The following CCSER1 variants were observed in gnomAD, a reference collection of about 807,000 sequenced individuals.
The protein encoded by CCSER1 is serine-rich coiled-coil domain-containing protein 1.
In CCSER1, 41 loss-of-function variants were observed where a neutral mutation model predicts 82.0. The ratio of observed to expected loss-of-function variants is 0.50; its 90% CI spans 0.39 to 0.65. The LOEUF is 0.65. Ranked by LOEUF, CCSER1 falls within the 30% of genes least tolerant of loss-of-function variation. The pLI, the probability that CCSER1 is intolerant of heterozygous loss-of-function variation, is 0.00. For missense variants in CCSER1, 1,119 were observed against 1,064.2 expected (o/e 1.05, Z -0.72); for synonymous variants, 414 against 383.9 (o/e 1.08, Z -0.92).
chr4:90,530,120 T>C (rs1774320034), intron 5 of CCSER1, among the ~76,000 whole-genome samples: 1 of 152,098 alleles, frequency 6.6e-6, no homozygotes, highest in African/African-American at 2.4e-5. Context: ...GAACACCTAC[T>C]AGGTGACAGA....
intron 9 of CCSER1, among the ~76,000 whole-genome samples, chr4:90,932,813 G>A (rs1363578403): frequency 1.9e-5 from 2 of 107,906 alleles, no homozygotes; most frequent in African/African-American, 3.8e-5. Context: ...GGGTGACAGA[G>A]CAAGACTCCG....
intron 7 of CCSER1, among the ~76,000 whole-genome samples, chr4:90,794,780 T>C (rs1250057588): frequency 6.6e-6 from 1 of 152,220 alleles, no homozygotes; most frequent in Non-Finnish European, 1.5e-5. Flanking sequence ...TTTAATGATA[T>C]TAATTATTCC....
At chr4:90,594,254 A>G (rs949391697) in intron 5 of CCSER1, among the ~76,000 whole-genome samples, 1 of 152,116 alleles carries the variant, frequency 6.6e-6, no homozygotes, top group Non-Finnish European at 1.5e-5. Flanking sequence ...CATGGCTCAG[A>G]CTCCCATCTC....
intron 3 of CCSER1, among the ~76,000 whole-genome samples, chr4:90,338,751 A>AG (rs747352893): frequency 1.3e-5 from 2 of 152,232 alleles, no homozygotes; most frequent in Non-Finnish European, 2.9e-5. Flanking sequence ...GAGCTGCAAT[A>AG]GTGACAAAAT....
chr4:91,397,518 C>A (rs1752063052), intron 10 of CCSER1, among the ~76,000 whole-genome samples: 1 of 151,996 alleles, frequency 6.6e-6, no homozygotes, highest in Non-Finnish European at 1.5e-5. Flanking sequence ...GTATACACAG[C>A]AGCACTGGAT....
At chr4:91,342,003 G>A (rs1167981041) in intron 10 of CCSER1, among the ~76,000 whole-genome samples, 1 of 152,152 alleles carries the variant, frequency 6.6e-6, no homozygotes, top group Non-Finnish European at 1.5e-5. Context: ...AGAGTAAGAG[G>A]AAAGGATGCA....
At chr4:91,046,802 G>A (rs542226380) in intron 9 of CCSER1, among the ~76,000 whole-genome samples, 13 of 151,644 alleles carry the variant, frequency 8.6e-5, no homozygotes, top group East Asian at 5.9e-4. Context: ...ACTACAACCC[G>A]CACCTCCCAG....
chr4:90,684,809 G>C (rs995179679), intron 6 of CCSER1, among the ~76,000 whole-genome samples: 1 of 151,992 alleles, frequency 6.6e-6, no homozygotes, highest in Non-Finnish European at 1.5e-5. Context: ...CAAGATCGAT[G>C]GTTATTATAA....
At chr4:91,409,682 CTTTTTCT>C (rs982194738) in intron 10 of CCSER1, among the ~76,000 whole-genome samples, 5 of 151,998 alleles carry the variant, frequency 3.3e-5, no homozygotes, top group African/African-American at 1.2e-4. Flanking sequence ...ATTTCTTTGT[CTTTTTCT>C]TTTTTCTTTT....
intron 10 of CCSER1, among the ~76,000 whole-genome samples, chr4:91,424,578 A>G (rs1312634878): frequency 6.6e-6 from 1 of 152,148 alleles, no homozygotes; most frequent in Non-Finnish European, 1.5e-5. Context: ...CTATGCCTCA[A>G]TGTTCTCATC....
intron 5 of CCSER1, among the ~76,000 whole-genome samples, chr4:90,533,336 C>T (rs1231628805): frequency 6.6e-6 from 1 of 152,042 alleles, no homozygotes; most frequent in Non-Finnish European, 1.5e-5. Flanking sequence ...ACCTAGTAAC[C>T]CGCCCGCCTT....
At chr4:90,426,323 A>G (rs1454191631) in intron 4 of CCSER1, among the ~76,000 whole-genome samples, 1 of 152,232 alleles carries the variant, frequency 6.6e-6, no homozygotes, top group East Asian at 1.9e-4. Flanking sequence ...TTTGTCCATG[A>G]GGAAGAAAGT....
At chr4:90,606,391 C>G (rs1230409635) in intron 5 of CCSER1, among the ~76,000 whole-genome samples, 1 of 152,170 alleles carries the variant, frequency 6.6e-6, no homozygotes, top group Non-Finnish European at 1.5e-5. Flanking sequence ...CTAAACATCC[C>G]TAGACATAGA....
intron 9 of CCSER1, among the ~76,000 whole-genome samples, chr4:90,995,332 G>A (rs1161570646): frequency 6.6e-6 from 1 of 151,982 alleles, no homozygotes; most frequent in South Asian, 2.1e-4. Context: ...TTAGTTTTTG[G>A]ACATTGCCCA....
intron 10 of CCSER1, among the ~76,000 whole-genome samples, chr4:91,508,036 G>T (rs1759601452): frequency 6.8e-6 from 1 of 146,984 alleles, no homozygotes; most frequent in Admixed American, 6.8e-5. Context: ...TCTCAATAAA[G>T]AAAGTTTTAC....
At chr4:90,700,255 T>A (rs1182096127) in intron 6 of CCSER1, among the ~76,000 whole-genome samples, 2 of 152,182 alleles carry the variant, frequency 1.3e-5, no homozygotes, top group African/African-American at 4.8e-5. Context: ...TTTTTTGTCC[T>A]TGTGACATTT....
At chr4:90,190,463 GCTACTTTTTTACTTACA>G (rs1735417842) in intron 1 of CCSER1, among the ~76,000 whole-genome samples, 2 of 152,014 alleles carry the variant, frequency 1.3e-5, no homozygotes, top group Admixed American at 1.3e-4. Flanking sequence ...ACAAATCTTT[GCTACTTTTTTACTTACA>G]CTAAAGGACA....
intron 7 of CCSER1, among the ~76,000 whole-genome samples, chr4:90,784,169 T>C (rs1754170515): frequency 6.6e-6 from 1 of 152,190 alleles, no homozygotes; most frequent in South Asian, 2.1e-4. Context: ...TTTCCTTATG[T>C]AGTAGCATTC....
chr4:90,383,983 G>T (rs79448465), intron 3 of CCSER1, among the ~76,000 whole-genome samples: 1,862 of 151,548 alleles, frequency 0.012, 60 homozygotes, highest in African/African-American at 0.043. Flanking sequence ...GGCTGCGCTT[G>T]ATCTCCTGGG....
Sources: allele counts gnomAD v4.1 joint callset (sites outside exome capture counted in the v4.1 genomes callset), GRCh38; gene constraint gnomAD v4.1.1; transcripts MANE v1.5; gene names NCBI Gene and HGNC (gene_info 2026-07-23, HGNC 2026-07-21).